Variants in DSCAML1 observed in about 807,000 individuals in gnomAD.
DSCAML1 encodes the protein DS cell adhesion molecule like 1.
A neutral mutation model predicts 200.5 loss-of-function variants in DSCAML1; 38 were observed. The observed-to-expected ratio is 0.19, with a 90% CI of 0.15 to 0.25. The LOEUF is 0.25. DSCAML1 is among the 10% of genes least tolerant of loss of function. The pLI is 1.00. For missense variants in DSCAML1, 2,223 were observed against 2,858.8 expected, an observed-to-expected ratio of 0.78 and a Z score of 5.07; for synonymous variants, 1,215 against 1,165.0, an observed-to-expected ratio of 1.04 and a Z score of -0.87.
chr11:117,645,920 GA>G (rs1290304583), intron 3 of DSCAML1, among the ~76,000 whole-genome samples: 18 of 150,874 alleles, frequency 1.2e-4, no homozygotes, highest in East Asian at 5.8e-4. Context: ...ATAAATAAAA[GA>G]AAAAAAAGAA....
rs762474115 is a variant in DSCAML1 at position 117,469,903 on chromosome 11, C to T, written c.3024+7G>A. The T allele has an allele frequency of 1.2e-6, 2 of 1,603,094 alleles. No individual in the cohort carries two copies. The highest frequency in any genetic ancestry group is 2.2e-5 in the South Asian group (2 of 89,006). On this transcript the variant is annotated splice_region_variant and intron_variant, in intron 16 of 32. Transcript: ENST00000651296. The surrounding 1 kb of genome is among the most constrained non-coding windows in gnomAD (Gnocchi z 4.1). Reference sequence around the variant, plus strand: ...CATTCCAGGGGAGATGCCTTAGACACACTTACCTTCCAGGTCACCTGGATG... The same window carrying T: ...CATTCCAGGGGAGATGCCTTAGACATACTTACCTTCCAGGTCACCTGGATG...
At chr11:117,608,299 TTGAA>T (rs2051614827) in intron 3 of DSCAML1, among the ~76,000 whole-genome samples, 1 of 152,256 alleles carries the variant, frequency 6.6e-6, no homozygotes, top group African/African-American at 2.4e-5. Flanking sequence ...GTAACTTTTA[TTGAA>T]TATTTTTTTC....
intron 1 of DSCAML1, among the ~76,000 whole-genome samples, chr11:117,795,439 GA>G (rs2055552730): frequency 1.3e-5 from 2 of 152,174 alleles, no homozygotes; most frequent in South Asian, 4.1e-4. Context: ...AACCTGGGGA[GA>G]GGGAGACTGG....
chr11:117,612,264 A>C (rs1591321912), intron 3 of DSCAML1, among the ~76,000 whole-genome samples: 1 of 151,986 alleles, frequency 6.6e-6, no homozygotes, highest in Non-Finnish European at 1.5e-5. Flanking sequence ...TTTCTTCCCC[A>C]CCGCCTCCCT....
intron 3 of DSCAML1, among the ~76,000 whole-genome samples, chr11:117,653,743 A>G (rs2052678991): frequency 6.6e-6 from 1 of 152,188 alleles, no homozygotes; most frequent in African/African-American, 2.4e-5. Flanking sequence ...ATCCAAGAAA[A>G]AGCGTGCACA....
intron 1 of DSCAML1, among the ~76,000 whole-genome samples, chr11:117,815,021 A>C (rs1219960129): frequency 6.6e-6 from 1 of 152,238 alleles, no homozygotes; most frequent in Non-Finnish European, 1.5e-5. Context: ...AAGAGAATTC[A>C]GCATGCTCCT....
intron 3 of DSCAML1, among the ~76,000 whole-genome samples, chr11:117,651,711 C>CAA (rs1193144259): frequency 0.19 from 5,945 of 31,012 alleles, 1,033 homozygotes; most frequent in East Asian, 0.36. Context: ...GACTCTGTCT[C>CAA]AAAAAAAAAA....
chr11:117,714,058 G>A (rs949094712), intron 3 of DSCAML1, among the ~76,000 whole-genome samples: 1 of 152,168 alleles, frequency 6.6e-6, no homozygotes, highest in Non-Finnish European at 1.5e-5. Context: ...CTGAGTCCGC[G>A]TTTCTGCATC....
chr11:117,583,561 G>A (rs2051083091), intron 3 of DSCAML1, among the ~76,000 whole-genome samples: 1 of 152,106 alleles, frequency 6.6e-6, no homozygotes, highest in South Asian at 2.1e-4. Flanking sequence ...TCCAGTCCCT[G>A]CCACAAGCGC....
intron 3 of DSCAML1, among the ~76,000 whole-genome samples, chr11:117,589,248 G>T (rs1289581202): frequency 6.6e-6 from 1 of 152,226 alleles, no homozygotes; most frequent in Non-Finnish European, 1.5e-5. Context: ...CGACTCTGCA[G>T]TGCGCCTTGG....
At chr11:117,779,634 G>T (rs1437219101) in intron 2 of DSCAML1, among the ~76,000 whole-genome samples, 1 of 152,092 alleles carries the variant, frequency 6.6e-6, no homozygotes, top group African/African-American at 2.4e-5. Context: ...AGCAGCAGGG[G>T]TAAATCCCAT....
chr11:117,810,883 G>C (rs943828521), intron 1 of DSCAML1, among the ~76,000 whole-genome samples: 1 of 151,754 alleles, frequency 6.6e-6, no homozygotes, highest in Non-Finnish European at 1.5e-5. Context: ...TTTCCCTCCC[G>C]CCTGTCCCCT....
At chr11:117,499,212 T>G (rs562336168) in intron 11 of DSCAML1, among the ~76,000 whole-genome samples, 4 of 152,130 alleles carry the variant, frequency 2.6e-5, no homozygotes, top group African/African-American at 9.7e-5. Flanking sequence ...TTCCTTTTTT[T>G]AAAAATACAT....
At chr11:117,521,501 G>C in intron 5 of DSCAML1, 96 bp from the exon 6 acceptor site, 1 of 1,332,652 alleles carries the variant, frequency 7.5e-7, no homozygotes, top group South Asian at 1.4e-5. Flanking sequence ...GGTAGTTAGG[G>C]GTCACAAAAG....
intron 3 of DSCAML1, among the ~76,000 whole-genome samples, chr11:117,692,869 G>C (rs891628685): frequency 6.6e-6 from 1 of 152,154 alleles, no homozygotes; most frequent in African/African-American, 2.4e-5. Context: ...CTGCCCTCTG[G>C]AGCCCATGAA....
intron 3 of DSCAML1, among the ~76,000 whole-genome samples, chr11:117,689,762 C>T (rs962562998): frequency 3.9e-5 from 6 of 152,318 alleles, no homozygotes; most frequent in East Asian, 1.9e-4. Flanking sequence ...CTGCCTCTGT[C>T]GAGCTGAGAC....
chr11:117,534,369 T>G (rs530814972), intron 3 of DSCAML1, among the ~76,000 whole-genome samples: 42 of 152,304 alleles, frequency 2.8e-4, no homozygotes, highest in African/African-American at 7.9e-4. Flanking sequence ...CGTTTGAATA[T>G]CTCTGGGGCT....
Position 117,741,039 on chromosome 11 carries a change from T to A in DSCAML1, c.511+35752A>T, listed in dbSNP as rs976125885. 7.2e-5 allele frequency among the ~76,000 whole-genome samples: 11 copies of A among 152,364 alleles called. No homozygotes were observed. In the East Asian group the frequency reaches 9.6e-4, roughly 13 times the overall value. On this transcript the variant is annotated intron_variant, in intron 3 of 32. Transcript: ENST00000651296. The stretch of plus-strand genomic sequence containing the variant: ...CTGGACATTACCTGGCAACTACCAA[T>A]GTGGGGTACATTTTCTTTGTTTTCT...
intron 3 of DSCAML1, among the ~76,000 whole-genome samples, chr11:117,621,466 A>G (rs10750108): frequency 0.73 from 111,772 of 152,100 alleles, 41,302 homozygotes; most frequent in Admixed American, 0.78. Flanking sequence ...TCTATCAGAC[A>G]TGGAACATTT....
Sources: gnomAD v4.1 joint callset for allele counts (sites outside exome capture counted in the v4.1 genomes callset) on GRCh38, gnomAD v4.1.1 for gene constraint, Gnocchi (gnomAD v3.1) non-coding constraint, MANE v1.5 for transcripts, NCBI Gene and HGNC (gene_info 2026-07-23, HGNC 2026-07-21) for gene names.